TRIM49: variants seen among roughly 807,000 people sequenced by gnomAD.
The protein encoded by TRIM49 is tripartite motif containing 49.
In TRIM49, 5 loss-of-function variants were observed where a neutral mutation model predicts 27.4. That is an observed-to-expected ratio of 0.18 (90% CI 0.10 to 0.38). The LOEUF is 0.38. Among genes scored for constraint, TRIM49 ranks in the 10% least tolerant of loss-of-function variants. The pLI, the probability that TRIM49 is intolerant of heterozygous loss-of-function variation, is 1.00. For synonymous variants in TRIM49, 69 were observed against 166.0 expected (o/e 0.42, Z 4.49); for missense variants, 188 against 487.5 (o/e 0.39, Z 5.79).
rs747743934 is a variant in TRIM49, at chr11:89,798,377, A to G, written c.1112T>C (p.Ile371Thr). ...YRKEKNQNEKIDGKAGLFLLG... is the reference protein window; with the variant it reads ...YRKEKNQNEKTDGKAGLFLLG... Reference sequence around the variant, plus strand: ...AAGAAAGAGTCCCGCCTTTCCATCTATCTTCTCATTCTGATTCTTCTCTTT... The same window carrying G: ...AAGAAAGAGTCCCGCCTTTCCATCTGTCTTCTCATTCTGATTCTTCTCTTT... The change falls in exon 8 of 8, where the codon ATA (isoleucine) becomes ACA (threonine). Residue 371 changes from isoleucine (I) to threonine (T), a missense_variant. Around this residue, in one of 6 missense-constraint regions of TRIM49, gnomAD observed 94 missense variants for 149.6 expected, o/e 0.63. Transcript: ENST00000329758. The G allele has an allele frequency of 7.3e-5, 117 of 1,595,580 alleles. No homozygotes were observed. Among genetic ancestry groups the G allele is most frequent in the Non-Finnish European group, 9.2e-5 (108 of 1,175,230 alleles).
At chr11:89,784,590 A>G in the TRIM49 span, among the ~76,000 whole-genome samples, 3 of 136,068 alleles carry the variant, frequency 2.2e-5, 1 homozygote, top group Non-Finnish European at 4.6e-5. Flanking sequence ...TGAGATGATA[A>G]AATTATTCAC....
downstream of TRIM49, chr11:89,797,596 G>A (rs1285645793): frequency 6.6e-6 from 1 of 152,194 alleles, no homozygotes; most frequent in South Asian, 2.1e-4. Flanking sequence ...AATAATGAAG[G>A]ATTATTTATA....
chr11:89,791,855 C>T, the TRIM49 span, among the ~76,000 whole-genome samples: 1 of 151,352 alleles, frequency 6.6e-6, no homozygotes, highest in African/African-American at 2.4e-5. Context: ...AAATAACCAG[C>T]TAACATCATA....
the TRIM49 span, chr11:89,776,965 T>G: frequency 6.6e-7 from 1 of 1,516,072 alleles, no homozygotes; most frequent in Non-Finnish European, 8.8e-7. Flanking sequence ...CTTTTTTTTT[T>G]TTAATTTTCA....
At chr11:89,792,738 T>G (rs1172480267), downstream of TRIM49, among the ~76,000 whole-genome samples, 1 of 152,020 alleles carries the variant, frequency 6.6e-6, no homozygotes, top group Non-Finnish European at 1.5e-5. Context: ...GGGACACATT[T>G]AAAGCAGTGT....
intron 4 of TRIM49, among the ~76,000 whole-genome samples, chr11:89,802,441 A>G (rs1949745829): frequency 6.6e-6 from 1 of 150,600 alleles, no homozygotes; most frequent in Admixed American, 6.6e-5. Context: ...ATTTCCTTCT[A>G]TTCTTTTTCT....
At chr11:89,777,522 G>A in the TRIM49 span, 1 of 1,303,376 alleles carries the variant, frequency 7.7e-7, no homozygotes. Flanking sequence ...ACACATGAAT[G>A]TGTCCTTTCA....
intron 1 of TRIM49, among the ~76,000 whole-genome samples, chr11:89,807,698 T>A (rs1484202809): frequency 6.6e-6 from 1 of 151,064 alleles, no homozygotes; most frequent in African/African-American, 2.5e-5. Context: ...CTGGCTAATT[T>A]TTTTTGTTGA....
At chr11:89,797,314 T>C (rs1446389270), downstream of TRIM49, among the ~76,000 whole-genome samples, 3 of 151,898 alleles carry the variant, frequency 2.0e-5, no homozygotes, top group Non-Finnish European at 4.4e-5. Context: ...CTTTCTCCAC[T>C]ACTAGTTTGC....
In TRIM49 at chr11:89,808,492, A is replaced by G. The variant is rs1042203665; in HGVS notation, c.-246T>C. 1.3e-5 allele frequency: 2 copies of G among 150,850 alleles called. No individual in the cohort carries two copies. The highest frequency in any genetic ancestry group is 2.9e-5 in the Non-Finnish European group (2 of 67,964). The allele number at this position is 150,850 out of a possible 1,614,324, so 9.3% of individuals were successfully genotyped here. A position where few individuals can be genotyped will look rare whatever the true frequency, so the allele number is the denominator to read the frequency against. On this transcript the variant is annotated 5_prime_UTR_variant, in exon 1 of 8. Transcript: ENST00000329758. ...AGATCCTGGGTACAGTCCATCAGGA[A>G]AAGAAATCCCCCGCTGGCTGGATCC...
chr11:89,784,150 A>T, the TRIM49 span, among the ~76,000 whole-genome samples: 1 of 113,854 alleles, frequency 8.8e-6, no homozygotes, highest in Non-Finnish European at 1.6e-5. Flanking sequence ...AAATTAAATG[A>T]CTGGCACAAC....
At chr11:89,789,686 G>A in the TRIM49 span, 1 of 152,086 alleles carries the variant, frequency 6.6e-6, no homozygotes, top group African/African-American at 2.4e-5. Flanking sequence ...TTCTGCTCGG[G>A]TTGATGTGGC....
chr11:89,790,219 G>A, the TRIM49 span, among the ~76,000 whole-genome samples: 1 of 132,548 alleles, frequency 7.5e-6, no homozygotes, highest in Non-Finnish European at 1.6e-5. Context: ...AGGGGCGCCT[G>A]CCATTTCTGA....
intron 7 of TRIM49, 53 bp from the exon 8 acceptor site, chr11:89,798,682 A>C: frequency 7.0e-7 from 1 of 1,437,058 alleles, no homozygotes; most frequent in Non-Finnish European, 9.0e-7. Flanking sequence ...AATAAGAAAA[A>C]AATAATTGTT....
the TRIM49 span, among the ~76,000 whole-genome samples, chr11:89,773,899 G>A: frequency 6.6e-5 from 9 of 135,930 alleles, no homozygotes; most frequent in Non-Finnish European, 7.6e-5. Context: ...ACCAAGCCCT[G>A]GCACTCCAGC....
At chr11:89,797,091 A>G (rs575614638), downstream of TRIM49, among the ~76,000 whole-genome samples, 5 of 152,070 alleles carry the variant, frequency 3.3e-5, no homozygotes, top group Admixed American at 6.5e-5. Context: ...GGCCTGTGGT[A>G]CAACTGGTGG....
At chr11:89,805,697 G>T (rs1436332923) in intron 2 of TRIM49, among the ~76,000 whole-genome samples, 1 of 147,470 alleles carries the variant, frequency 6.8e-6, no homozygotes, top group African/African-American at 2.6e-5. Context: ...TCTGAGAAAT[G>T]TGTCAGGTGT....
downstream of TRIM49, among the ~76,000 whole-genome samples, chr11:89,793,272 G>C (rs615097): frequency 7.0e-6 from 1 of 143,756 alleles, no homozygotes; most frequent in African/African-American, 2.6e-5. Flanking sequence ...GTCCGGGTCC[G>C]GATGGATTCA....
chr11:89,789,785 G>C, the TRIM49 span: 113 of 152,176 alleles, frequency 7.4e-4, no homozygotes, highest in African/African-American at 2.6e-3. Context: ...TGGGTTCCAA[G>C]GTGGCCGAAT....
Sources: gnomAD v4.1 joint callset for allele counts (sites outside exome capture counted in the v4.1 genomes callset) on GRCh38, gnomAD v4.1.1 for gene constraint, gnomAD v4.1.1 regional missense constraint, MANE v1.5 for transcripts, NCBI Gene and HGNC (gene_info 2026-07-23, HGNC 2026-07-21) for gene names.